ARHGAP6: variants seen among roughly 807,000 people sequenced by gnomAD.
ARHGAP6 encodes the protein rho GTPase-activating protein 6.
A neutral mutation model predicts 55.7 loss-of-function variants in ARHGAP6; 16 were observed. The ratio of observed to expected loss-of-function variants is 0.29; its 90% CI spans 0.19 to 0.44. The LOEUF (loss-of-function observed/expected upper bound fraction) is 0.44, where lower values mean the gene tolerates loss of function less well. Among genes scored for constraint, ARHGAP6 ranks in the 20% least tolerant of loss-of-function variants. The pLI is 1.00. For missense variants in ARHGAP6, 698 were observed against 808.9 expected, an observed-to-expected ratio of 0.86 and a Z score of 1.66; for synonymous variants, 382 against 360.9, an observed-to-expected ratio of 1.06 and a Z score of -0.66.
intron 1 of ARHGAP6, among the ~76,000 whole-genome samples, chrX:11,538,848 GGTT>G (rs2051129031): frequency 1.1e-5 from 1 of 88,197 alleles, no homozygotes; most frequent in Non-Finnish European, 2.3e-5. Flanking sequence ...GTGTGTGTGT[GGTT>G]TTTTTTTTTT....
chrX:11,404,888 A>C (rs558349157), intron 1 of ARHGAP6, among the ~76,000 whole-genome samples: 2 of 111,873 alleles, frequency 1.8e-5, no homozygotes, highest in East Asian at 5.6e-4. Flanking sequence ...AGACATTTTC[A>C]TGTCTTTTAA....
At chrX:11,279,035 C>G (rs1350129599) in intron 1 of ARHGAP6, among the ~76,000 whole-genome samples, 1 of 111,254 alleles carries the variant, frequency 9.0e-6, no homozygotes, top group Non-Finnish European at 1.9e-5. Flanking sequence ...GGAGTCCCGT[C>G]CAGGATGCCA....
intron 5 of ARHGAP6, 135 bp from the exon 6 acceptor site, chrX:11,182,253 C>A (rs1226457563): frequency 6.5e-5 from 26 of 397,139 alleles, no homozygotes; most frequent in Non-Finnish European, 1.1e-4. Context: ...TACAGTAATG[C>A]TTCTTTCATC....
intron 2 of ARHGAP6, among the ~76,000 whole-genome samples, chrX:11,207,082 G>A (rs949841862): frequency 9.0e-6 from 1 of 111,655 alleles, no homozygotes; most frequent in African/African-American, 3.3e-5. Flanking sequence ...TGCCTCAAAT[G>A]TCTTCCTGGA....
chrX:11,239,291 T>C (rs2047243440), intron 2 of ARHGAP6, among the ~76,000 whole-genome samples: 1 of 111,391 alleles, frequency 9.0e-6, no homozygotes, highest in African/African-American at 3.3e-5. Flanking sequence ...AGGCACCAGA[T>C]GTATTCAAGC....
At chrX:11,168,515 A>T (rs2046046192) in intron 9 of ARHGAP6, among the ~76,000 whole-genome samples, 1 of 112,262 alleles carries the variant, frequency 8.9e-6, no homozygotes, top group African/African-American at 3.2e-5. Context: ...TCAAATTTAC[A>T]AAAAGTAATT....
chrX:11,185,779 C>T (rs2046379601), intron 5 of ARHGAP6, among the ~76,000 whole-genome samples: 1 of 111,861 alleles, frequency 8.9e-6, no homozygotes, highest in African/African-American at 3.2e-5. Flanking sequence ...AACCTGTTGT[C>T]AAAAATGATG....
chrX:11,476,993 T>A (rs1461558237), intron 1 of ARHGAP6, among the ~76,000 whole-genome samples: 1 of 110,498 alleles, frequency 9.0e-6, no homozygotes, highest in Admixed American at 9.6e-5. Context: ...AAATTTAAAA[T>A]TCATGCTCTT....
intron 1 of ARHGAP6, among the ~76,000 whole-genome samples, chrX:11,404,583 A>G (rs1411576382): frequency 1.8e-5 from 2 of 112,157 alleles, no homozygotes; most frequent in African/African-American, 6.5e-5. Context: ...TTTACCCTCC[A>G]AAACCTCATC....
chrX:11,255,128 G>T (rs1418107019), intron 1 of ARHGAP6, among the ~76,000 whole-genome samples: 1 of 111,487 alleles, frequency 9.0e-6, no homozygotes, highest in Non-Finnish European at 1.9e-5. Context: ...CTGCACCAAG[G>T]GCATTTTTTA....
intron 1 of ARHGAP6, among the ~76,000 whole-genome samples, chrX:11,393,372 ATAAC>A (rs1288610942): frequency 8.9e-6 from 1 of 111,768 alleles, no homozygotes; most frequent in African/African-American, 3.2e-5. Context: ...TAATAATAAT[ATAAC>A]TAACATTTGT....
chrX:11,148,937 C>T (rs2045736289), intron 10 of ARHGAP6, among the ~76,000 whole-genome samples: 1 of 112,384 alleles, frequency 8.9e-6, no homozygotes, highest in Admixed American at 9.4e-5. Context: ...GAATCCACTG[C>T]TGGAGCAGCT....
intron 1 of ARHGAP6, among the ~76,000 whole-genome samples, chrX:11,451,381 C>T (rs750144745): frequency 2.7e-5 from 3 of 111,990 alleles, no homozygotes; most frequent in African/African-American, 9.7e-5. Context: ...CCCTTGAGTT[C>T]ACAGTGCAGC....
chrX:11,193,093 G>A (rs1393074321), intron 3 of ARHGAP6, among the ~76,000 whole-genome samples: 2 of 112,356 alleles, frequency 1.8e-5, no homozygotes, highest in Non-Finnish European at 3.8e-5. Context: ...TAAGTGGCAT[G>A]AGGAACATAG....
At chrX:11,474,568 A>G (rs2050384176) in intron 1 of ARHGAP6, among the ~76,000 whole-genome samples, 1 of 112,259 alleles carries the variant, frequency 8.9e-6, no homozygotes, top group African/African-American at 3.2e-5. Flanking sequence ...AAAATATGCA[A>G]TCAAAGGGAC....
chrX:11,618,470 G>A (rs965207785), intron 1 of ARHGAP6, among the ~76,000 whole-genome samples: 3 of 111,793 alleles, frequency 2.7e-5, no homozygotes, highest in Admixed American at 9.5e-5. Flanking sequence ...CTATGATTAA[G>A]GACATTCACT....
At chrX:11,487,744 A>C (rs1020995462) in intron 1 of ARHGAP6, among the ~76,000 whole-genome samples, 1 of 111,881 alleles carries the variant, frequency 8.9e-6, no homozygotes, top group Admixed American at 9.5e-5. Flanking sequence ...ATTCTAACCC[A>C]CTGAATAGAA....
intron 1 of ARHGAP6, among the ~76,000 whole-genome samples, chrX:11,487,022 G>A (rs1370293145): frequency 1.8e-5 from 2 of 111,177 alleles, no homozygotes; most frequent in East Asian, 5.7e-4. Flanking sequence ...ATGGAGGGTG[G>A]GAGGACCACA....
At chrX:11,433,700 T>C (rs1184633158) in intron 1 of ARHGAP6, among the ~76,000 whole-genome samples, 1 of 112,643 alleles carries the variant, frequency 8.9e-6, no homozygotes, top group East Asian at 2.8e-4. Flanking sequence ...CCGCAGGTGC[T>C]AGAATTATTG....
Sources: allele counts gnomAD v4.1 joint callset (sites outside exome capture counted in the v4.1 genomes callset), GRCh38; gene constraint gnomAD v4.1.1; transcripts MANE v1.5; gene names NCBI Gene and HGNC (gene_info 2026-07-23, HGNC 2026-07-21).